The following UMPS variants were observed in gnomAD, a reference collection of about 807,000 sequenced individuals.
UMPS encodes the protein uridine 5'-monophosphate synthase.
A neutral mutation model predicts 38.9 loss-of-function variants in UMPS; 21 were observed. The observed-to-expected ratio is 0.54, with a 90% CI of 0.38 to 0.78. UMPS has a LOEUF of 0.78. Among genes scored for constraint, UMPS ranks in the 30% least tolerant of loss-of-function variants. The pLI, the probability that UMPS is intolerant of heterozygous loss-of-function variation, is 0.00. For synonymous variants in UMPS, 208 were observed against 219.3 expected (o/e 0.95, Z 0.45); for missense variants, 533 against 591.6 (o/e 0.90, Z 1.03).
chr3:124,736,720 A>G lies in UMPS; in HGVS notation c.311-848A>G, dbSNP rs17843815. ...GAAATTATGCATTTTTAAATATACT[A>G]TAAATACTTGCAGTCTTGTGTTCTA... is the stretch of plus-strand genomic sequence containing the variant. On this transcript the variant is annotated intron_variant, in intron 2 of 5. Transcript: ENST00000232607. 3.3e-3 allele frequency among the ~76,000 whole-genome samples: 509 copies of G among 152,356 alleles called. 6 individuals are homozygous for G. The highest frequency in any genetic ancestry group is 0.012 in the African/African-American group (485 of 41,586).
chr3:124,731,855 T>C (rs2063480777), intron 1 of UMPS, among the ~76,000 whole-genome samples: 1 of 140,336 alleles, frequency 7.1e-6, no homozygotes, highest in Non-Finnish European at 1.5e-5. Context: ...CACTCCAGCC[T>C]GGGCAACAGA....
chr3:124,738,723 GAAATATAA>G (rs1178855755), intron 3 of UMPS: 1 of 154,992 alleles, frequency 6.5e-6, no homozygotes, highest in Non-Finnish European at 1.4e-5. Context: ...CAATGAAAAA[GAAATATAA>G]AATGGTAAGA....
In UMPS at chr3:124,740,152, A is replaced by G. The variant is rs957002036; in HGVS notation, c.1111A>G (p.Met371Val). Residue 371 changes from methionine (M) to valine (V), a missense_variant, in exon 4 of 6, where the codon ATG (methionine) becomes GTG (valine). Transcript: ENST00000232607. ...LHRGCLLIAEMSSTGSLATGD... is the reference protein window; with the variant it reads ...LHRGCLLIAEVSSTGSLATGD... ...TCGGGGGTGCCTCCTTATTGCGGAA[A>G]TGAGCTCCACCGGCTCCCTGGCCAC... 1 of 1,613,714 alleles carries G rather than the reference A, an allele frequency of 6.2e-7. No individual in the cohort carries two copies. The highest frequency in any genetic ancestry group is 1.3e-5 in the African/African-American group (1 of 74,880).
Position 124,740,107 on chromosome 3 carries a change from G to A in UMPS, c.1066G>A (p.Glu356Lys). 6.2e-7 allele frequency: 1 copy of A among 1,614,136 alleles called. No individual in the cohort carries two copies. The highest frequency in any genetic ancestry group is 8.5e-7 in the Non-Finnish European group (1 of 1,180,044). ...PGSGVVKGLQ[E>K]VGLPLHRGCL... The stretch of plus-strand genomic sequence containing the variant: ...CTCAGGAGTTGTGAAAGGCCTGCAA[G>A]AAGTGGGCCTGCCTTTGCATCGGGG... Residue 356 changes from glutamate (E) to lysine (K), a missense_variant, in exon 4 of 6, where the codon GAA becomes AAA. Glu to Lys is a moderately conservative substitution (Grantham distance 56). Coordinates refer to ENST00000232607, the MANE Select transcript of UMPS (RefSeq NM_000373.4).
chr3:124,746,750 A>T lies in UMPS; in HGVS notation c.*2666A>T, dbSNP rs756808697. 2 of 372,358 alleles carry T rather than the reference A, an allele frequency of 5.4e-6. No homozygotes were observed. Among genetic ancestry groups the T allele is most frequent in the Non-Finnish European group, 5.3e-6 (1 of 187,648 alleles). 23.1% of individuals were successfully genotyped at this position (372,358 alleles called of 1,614,324 possible). A position where few individuals can be genotyped will look rare whatever the true frequency, so the allele number is the denominator to read the frequency against. The stretch of plus-strand genomic sequence containing the variant: ...GAGGCATTCTGTAGAACATAAGCCC[A>T]TAGATTGTGTGTGTGTGTGTGTGTG... On this transcript the variant is annotated 3_prime_UTR_variant, in exon 6 of 6. Coordinates refer to ENST00000232607, the MANE Select transcript of UMPS (RefSeq NM_000373.4).
chr3:124,743,395 T>G (rs1486065355), intron 5 of UMPS, among the ~76,000 whole-genome samples: 2 of 150,858 alleles, frequency 1.3e-5, no homozygotes, highest in African/African-American at 4.9e-5. Context: ...CCCAGCACTT[T>G]GGGAGGCTGA....
rs763725067 is a variant in UMPS, at chr3:124,738,257, G to C, written c.982+18G>C. ...GTATGAAGGTAAGTGTATTATTCAG[G>C]AATCTGCAAGAATCAGAAATCCAGC... On this transcript the variant is annotated intron_variant, in intron 3 of 5. Coordinates refer to ENST00000232607, the MANE Select transcript of UMPS (RefSeq NM_000373.4). 1 of 1,610,996 alleles carries C rather than the reference G, an allele frequency of 6.2e-7. No homozygotes were observed. Among genetic ancestry groups the C allele is most frequent in the Non-Finnish European group, 8.5e-7 (1 of 1,178,094 alleles).
chr3:124,730,719 G>A (rs1354461583), intron 1 of UMPS, 92 bp downstream of exon 1: 1 of 1,464,654 alleles, frequency 6.8e-7, no homozygotes, highest in Non-Finnish European at 9.2e-7. Flanking sequence ...CCGTGAGTGA[G>A]AGCAAAAGAG....
intron 1 of UMPS, among the ~76,000 whole-genome samples, chr3:124,731,180 T>A (rs578249681): frequency 2.0e-5 from 3 of 151,922 alleles, no homozygotes; most frequent in Admixed American, 2.0e-4. Context: ...CACTCCAGCC[T>A]GGGCGACAAG....
chr3:124,743,624 C>T (rs542874961), intron 5 of UMPS, among the ~76,000 whole-genome samples: 7 of 151,422 alleles, frequency 4.6e-5, no homozygotes, highest in African/African-American at 7.3e-5. Context: ...GGTGACAGAG[C>T]GAGACTCCGT....
rs569027261 is a variant in UMPS, at chr3:124,748,766, C to T, written c.*4682C>T. On this transcript the variant is annotated 3_prime_UTR_variant, in exon 6 of 6. Transcript: ENST00000232607. ...GATCCAGAGATCCCTCGCCCCAGCT[C>T]GGCCATGTGTGTCTGGGACAGAGCC... is the stretch of plus-strand genomic sequence containing the variant. 128 of 414,604 alleles carry T rather than the reference C, an allele frequency of 3.1e-4. No homozygotes were observed. Among genetic ancestry groups the T allele is most frequent in the African/African-American group, 2.4e-3 (118 of 49,132 alleles). 25.7% of individuals were successfully genotyped at this position (414,604 alleles called of 1,614,324 possible). A position where few individuals can be genotyped will look rare whatever the true frequency, so the allele number is the denominator to read the frequency against.
At position 124,746,581 on chromosome 3, in the gene UMPS, A is replaced by G; in HGVS notation, c.*2497A>G. The G allele has an allele frequency of 2.2e-6, 1 of 454,062 alleles. No homozygotes were observed. The highest frequency in any genetic ancestry group is 4.4e-6 in the Non-Finnish European group (1 of 226,782). 28.1% of individuals were successfully genotyped at this position (454,062 alleles called of 1,614,324 possible). A position where few individuals can be genotyped will look rare whatever the true frequency, so the allele number is the denominator to read the frequency against. The stretch of plus-strand genomic sequence containing the variant: ...TAGTTTAACCCTTTCTCAGTCAAGG[A>G]ATATTTACAGAACATGATCTCTGGG... On this transcript the variant is annotated 3_prime_UTR_variant, in exon 6 of 6. Coordinates refer to ENST00000232607, the MANE Select transcript of UMPS (RefSeq NM_000373.4).
chr3:124,743,774 A>T, intron 5 of UMPS, 141 bp from the exon 6 acceptor site: 1 of 960,630 alleles, frequency 1.0e-6, no homozygotes, highest in South Asian at 1.6e-5. Flanking sequence ...TCCTGTTTTT[A>T]CGCAGTTGCT....
rs921007742 is a variant in UMPS at position 124,730,502 on chromosome 3, T to C, written c.31T>C (p.Leu11=). The C allele has an allele frequency of 3.3e-5, 53 of 1,614,004 alleles. No homozygotes were observed. Among genetic ancestry groups the C allele is most frequent in the Non-Finnish European group, 4.2e-5 (50 of 1,180,002 alleles). MAVARAALGP[L]VTGLYDVQAF... ...GGTCGCTCGTGCAGCTTTGGGGCCA[T>C]TGGTGACGGGTCTGTACGACGTGCA... Residue 11 remains leucine, a synonymous_variant, in exon 1 of 6, where the codon TTG becomes CTG. Coordinates refer to ENST00000232607, the MANE Select transcript of UMPS (RefSeq NM_000373.4).
At chr3:124,731,358 A>G (rs1270515991) in intron 1 of UMPS, 3 of 238,528 alleles carry the variant, frequency 1.3e-5, no homozygotes, top group Admixed American at 4.6e-5. Context: ...ATACTCCCCT[A>G]TGCAGCCCCG....
In UMPS at chr3:124,745,905, G is replaced by C. The variant is rs2063592991; in HGVS notation, c.*1821G>C. 2.2e-6 allele frequency: 1 copy of C among 453,956 alleles called. No homozygotes were observed. The highest frequency in any genetic ancestry group is 4.4e-6 in the Non-Finnish European group (1 of 226,776). The allele number at this position is 453,956 out of a possible 1,614,324, so 28.1% of individuals were successfully genotyped here. ...CTTTAGCAGGTATCAGAGTCACCTG[G>C]AGTCTTGTCAAAACAGGTACCAGCC... On this transcript the variant is annotated 3_prime_UTR_variant, in exon 6 of 6. Coordinates refer to ENST00000232607, the MANE Select transcript of UMPS (RefSeq NM_000373.4).
chr3:124,738,597 C>T (rs775232977), intron 3 of UMPS: 5 of 235,404 alleles, frequency 2.1e-5, no homozygotes, highest in Non-Finnish European at 4.2e-5. Context: ...GGATAATTTC[C>T]TTAAAGAAAA....
chr3:124,743,653 TAAAA>T (rs1470225292), intron 5 of UMPS, among the ~76,000 whole-genome samples: 1 of 150,450 alleles, frequency 6.6e-6, no homozygotes, highest in Non-Finnish European at 1.5e-5. Flanking sequence ...AATAAATAAA[TAAAA>T]ATAAATAAAT....
At position 124,745,069 on chromosome 3, in the gene UMPS, T is replaced by G; in HGVS notation, c.*985T>G. On this transcript the variant is annotated 3_prime_UTR_variant, in exon 6 of 6. Transcript: ENST00000232607. ...AAGTGACAGCTTCCTGTGACTGACT[T>G]CACAATTAGGAGGTCTAAGATTCCA... 2.2e-6 allele frequency: 1 copy of G among 454,126 alleles called. No homozygotes were observed. Among genetic ancestry groups the G allele is most frequent in the South Asian group, 1.6e-5 (1 of 64,476 alleles). The allele number at this position is 454,126 out of a possible 1,614,324, so 28.1% of individuals were successfully genotyped here. A position where few individuals can be genotyped will look rare whatever the true frequency, so the allele number is the denominator to read the frequency against.
Sources: allele counts gnomAD v4.1 joint callset (sites outside exome capture counted in the v4.1 genomes callset), GRCh38; gene constraint gnomAD v4.1.1; transcripts MANE v1.5; gene names NCBI Gene and HGNC (gene_info 2026-07-23, HGNC 2026-07-21).